The following B4GALNT3 variants were observed in gnomAD, a reference collection of about 807,000 sequenced individuals.
The protein encoded by B4GALNT3 is beta-1,4-N-acetyl-galactosaminyltransferase 3.
Under a neutral mutation model 120.2 loss-of-function variants are expected in B4GALNT3, and 86 were observed. The observed-to-expected ratio is 0.72, with a 90% CI of 0.60 to 0.86. B4GALNT3 has a LOEUF of 0.86. Among genes scored for constraint, B4GALNT3 ranks in the 40% least tolerant of loss-of-function variants. The pLI is 0.00. For synonymous variants in B4GALNT3, 518 were observed against 510.4 expected (o/e 1.01, Z -0.20); for missense variants, 1,167 against 1,298.9 (o/e 0.90, Z 1.56).
intron 1 of B4GALNT3, among the ~76,000 whole-genome samples, chr12:462,710 T>C (rs1183242274): frequency 1.3e-5 from 2 of 151,972 alleles, no homozygotes; most frequent in Non-Finnish European, 1.5e-5. Flanking sequence ...TTGTGCAGGG[T>C]GTCTTTTTGT....
chr12:462,222 C>T (rs1946028936), intron 1 of B4GALNT3, among the ~76,000 whole-genome samples: 1 of 151,992 alleles, frequency 6.6e-6, no homozygotes, highest in East Asian at 1.9e-4. Flanking sequence ...GCCTGGGAGG[C>T]GACACCTCCT....
At chr12:508,457 T>C (rs1006721994) in intron 1 of B4GALNT3, among the ~76,000 whole-genome samples, 2 of 152,118 alleles carry the variant, frequency 1.3e-5, no homozygotes, top group Non-Finnish European at 2.9e-5. Flanking sequence ...TTTTTAAAAA[T>C]TTGTTATAGA....
chr12:523,358 G>A (rs1360611659), intron 1 of B4GALNT3, among the ~76,000 whole-genome samples: 3 of 152,166 alleles, frequency 2.0e-5, no homozygotes, highest in Non-Finnish European at 4.4e-5. Flanking sequence ...ATCAGGCCCA[G>A]GCAATTTAAT....
intron 1 of B4GALNT3, among the ~76,000 whole-genome samples, chr12:513,095 GCCTTCCA>G: frequency 1.1e-5 from 1 of 91,226 alleles, no homozygotes; most frequent in Non-Finnish European, 2.1e-5. Context: ...TCCACCTTCC[GCCTTCCA>G]CCTTCTGCCT....
intron 1 of B4GALNT3, among the ~76,000 whole-genome samples, chr12:533,214 A>C (rs1382160326): frequency 1.3e-5 from 2 of 152,262 alleles, no homozygotes; most frequent in Non-Finnish European, 2.9e-5. Flanking sequence ...GGTTGGGATT[A>C]GCAGATGAAC....
rs1033999399 is a variant in B4GALNT3, at chr12:477,650, G to A, written c.169+17105G>A. ...ATTTCCTCTCTCACTTTCTTGAATCGAGAAGGGATGGGAAATAATGAATAG... is the reference window on the plus strand; with the variant it reads ...ATTTCCTCTCTCACTTTCTTGAATCAAGAAGGGATGGGAAATAATGAATAG... On this transcript the variant is annotated intron_variant, in intron 1 of 19. Coordinates refer to ENST00000266383, the MANE Select transcript of B4GALNT3 (RefSeq NM_173593.4). 3.9e-5 allele frequency among the ~76,000 whole-genome samples: 6 copies of A among 152,160 alleles called. No homozygotes were observed. In the South Asian group the frequency reaches 6.2e-4, roughly 16 times the overall value.
intron 1 of B4GALNT3, among the ~76,000 whole-genome samples, chr12:506,883 G>A (rs919110919): frequency 1.3e-5 from 2 of 152,170 alleles, no homozygotes; most frequent in Non-Finnish European, 2.9e-5. Flanking sequence ...TGATCCGCCC[G>A]CCTCGGCCTC....
chr12:518,766 A>G (rs114974894), intron 1 of B4GALNT3, among the ~76,000 whole-genome samples: 3,368 of 152,334 alleles, frequency 0.022, 134 homozygotes, highest in African/African-American at 0.075. Flanking sequence ...TAGCATTTGC[A>G]GTTACATAGC....
intron 2 of B4GALNT3, 92 bp from the exon 3 acceptor site, chr12:536,126 C>A (rs890507392): frequency 2.2e-5 from 22 of 1,011,596 alleles, no homozygotes; most frequent in African/African-American, 3.2e-5. Flanking sequence ...TCCGAGCCGA[C>A]GCCTCCTGGG....
chr12:528,671 T>C (rs1946779477), intron 1 of B4GALNT3, among the ~76,000 whole-genome samples: 1 of 152,180 alleles, frequency 6.6e-6, no homozygotes, highest in African/African-American at 2.4e-5. Context: ...ACTTCAGGTT[T>C]CTGGCGGGGT....
chr12:495,889 A>G (rs1179084148), intron 1 of B4GALNT3, among the ~76,000 whole-genome samples: 2 of 152,226 alleles, frequency 1.3e-5, no homozygotes, highest in Non-Finnish European at 2.9e-5. Context: ...ATCAATGTTC[A>G]TGAATGATAT....
chr12:555,194 AAAG>A (rs2120734392), intron 14 of B4GALNT3: 9 of 335,702 alleles, frequency 2.7e-5, no homozygotes, highest in Non-Finnish European at 5.3e-5. Context: ...AAAGAAAAAG[AAAG>A]AAAAAAAAAA....
At chr12:478,898 T>G (rs749933653) in intron 1 of B4GALNT3, among the ~76,000 whole-genome samples, 5 of 152,208 alleles carry the variant, frequency 3.3e-5, no homozygotes, top group Non-Finnish European at 5.9e-5. Flanking sequence ...GTTTGGTCCT[T>G]TTCCACCCAT....
intron 7 of B4GALNT3, among the ~76,000 whole-genome samples, chr12:547,090 G>A (rs1242532064): frequency 2.0e-5 from 3 of 152,236 alleles, no homozygotes; most frequent in Non-Finnish European, 1.5e-5. Context: ...CTTGCGGGGA[G>A]GGAGCGTAGC....
At chr12:509,352 C>T (rs922383823) in intron 1 of B4GALNT3, among the ~76,000 whole-genome samples, 5 of 152,084 alleles carry the variant, frequency 3.3e-5, no homozygotes, top group Admixed American at 2.6e-4. Context: ...GAAACTCATG[C>T]GCGTGGAGAG....
Position 561,720 on chromosome 12 carries a change from G to A in B4GALNT3, c.*269G>A. Reference sequence around the variant, plus strand: ...AGTCGAGAACGGGAAGAGCTCCTGAGAAGGACGGGTCAGGAAGGAGAGATC... The same window carrying A: ...AGTCGAGAACGGGAAGAGCTCCTGAAAAGGACGGGTCAGGAAGGAGAGATC... On this transcript the variant is annotated 3_prime_UTR_variant, in exon 20 of 20. Transcript: ENST00000266383. The A allele has an allele frequency of 1.1e-5, 5 of 439,006 alleles. No homozygotes were observed. The Admixed American group carries it at 1.2e-4, about 10-fold the overall frequency. The allele number at this position is 439,006 out of a possible 1,614,324, so 27.2% of individuals were successfully genotyped here.
In B4GALNT3 at chr12:553,934, C is replaced by T. The variant is rs1947114066; in HGVS notation, c.2011C>T (p.Leu671=). ...GNLLLPEQEA[L]EVTRVFLKKL... is the part of the protein sequence containing the mutation. ...CCTGCTGCTTCCAGAGCAGGAAGCT[C>T]TGGAGGTCACGCGAGTCTTCTTGAA... is the stretch of plus-strand genomic sequence containing the variant. The change falls in exon 14 of 20, where the codon CTG becomes TTG. Residue 671 remains leucine (L), a synonymous_variant. Coordinates refer to ENST00000266383, the MANE Select transcript of B4GALNT3 (RefSeq NM_173593.4). 6.2e-7 allele frequency: 1 copy of T among 1,614,086 alleles called. No homozygotes were observed. Among genetic ancestry groups the T allele is most frequent in the Non-Finnish European group, 8.5e-7 (1 of 1,180,016 alleles).
At chr12:464,655 A>G (rs1351787548) in intron 1 of B4GALNT3, among the ~76,000 whole-genome samples, 5 of 151,998 alleles carry the variant, frequency 3.3e-5, no homozygotes. Context: ...GTTTCTAGAG[A>G]TGAAATATCT....
chr12:558,112 C>A (rs765173332), intron 17 of B4GALNT3, 24 bp downstream of exon 17: 10 of 1,609,206 alleles, frequency 6.2e-6, no homozygotes, highest in Non-Finnish European at 8.5e-6. Flanking sequence ...ATGGGGCCTG[C>A]GAGATGGAAT....
Sources: gnomAD v4.1 joint callset for allele counts (sites outside exome capture counted in the v4.1 genomes callset) on GRCh38, gnomAD v4.1.1 for gene constraint, MANE v1.5 for transcripts, NCBI Gene and HGNC (gene_info 2026-07-23, HGNC 2026-07-21) for gene names.